The following NBEAL2 variants were observed in gnomAD, a reference collection of about 807,000 sequenced individuals.
NBEAL2 encodes the protein neurobeachin like 2, also known as neurobeachin-like protein 2.
NBEAL2 carries 160 observed loss-of-function variants against 299.8 expected under a neutral mutation model. The observed-to-expected ratio is 0.53, with a 90% confidence interval of 0.47 to 0.61. The LOEUF (loss-of-function observed/expected upper bound fraction) is 0.61, where lower values mean the gene tolerates loss of function less well. Among genes scored for constraint, NBEAL2 ranks in the 20% least tolerant of loss-of-function variants. The probability of loss-of-function intolerance (pLI) is 0.00; values close to 1 mark genes in which losing one functional copy is unlikely to be tolerated. For synonymous variants in NBEAL2, 1,493 were observed against 1,542.3 expected (o/e 0.97, Z 0.75); for missense variants, 3,112 against 3,649.0 (o/e 0.85, Z 3.79).
rs1306909916 is a variant in NBEAL2, at chr3:46,982,168, C to A, written c.51+2256C>A. ...CCAATCCAGGGAGGAGTAGGCTATGCAACTTTGAGTCCTGTTAGGGACCTA... is the reference window on the plus strand; with the variant it reads ...CCAATCCAGGGAGGAGTAGGCTATGAAACTTTGAGTCCTGTTAGGGACCTA... On this transcript the variant is annotated intron_variant, in intron 1 of 53. Transcript: ENST00000450053. This position sits in a 1 kb window ranked among gnomAD's most constrained non-coding sequence, Gnocchi z 4.2. 6.6e-6 allele frequency among the ~76,000 whole-genome samples: 1 copy of A among 152,114 alleles called. No homozygotes were observed. The highest frequency in any genetic ancestry group is 1.5e-5 in the Non-Finnish European group (1 of 68,030).
At position 46,995,758 on chromosome 3, in the gene NBEAL2, C is replaced by G. The variant is rs372051707; in HGVS notation, c.1943C>G (p.Ala648Gly). 1.2e-6 allele frequency: 2 copies of G among 1,613,700 alleles called. No homozygotes were observed. The highest frequency in any genetic ancestry group is 3.3e-5 in the Admixed American group (2 of 60,012). Residue 648 changes from alanine (A) to glycine (G), a missense_variant, in exon 14 of 54, where the codon GCG becomes GGG. Physicochemically the swap from Ala to Gly is moderately conservative, Grantham distance 60. Around this residue, in one of 3 missense-constraint regions of NBEAL2, gnomAD observed 2,243 missense variants for 2,538.1 expected, o/e 0.88. Coordinates refer to ENST00000450053, the MANE Select transcript of NBEAL2 (RefSeq NM_015175.3). ...TCAGGGTTTGAGGCCTTCTTCACGGCGGCCGGGACCCTGGTGGTGGCTGTG... is the reference window on the plus strand; with the variant it reads ...TCAGGGTTTGAGGCCTTCTTCACGGGGGCCGGGACCCTGGTGGTGGCTGTG... Reference protein sequence around the residue: ...SGSGFEAFFTAAGTLVVAVCT... With the variant: ...SGSGFEAFFTGAGTLVVAVCT...
At position 47,001,286 on chromosome 3, in the gene NBEAL2, G is replaced by T; in HGVS notation, c.4492G>T (p.Glu1498Ter). The stretch of plus-strand genomic sequence containing the variant: ...TCCCCACTCACCCGCCAGCCTCCTG[G>T]AGATGATGCTGGAGTCAGCCCTGAC... Reference protein sequence around the residue: ...PPDCIKRSLLEMMLESALTDI... With the variant: ...PPDCIKRSLL Residue 1498 changes from glutamate (E) to a stop codon, truncating the protein, a stop_gained, in exon 29 of 54, where the codon GAG becomes TAG. Coordinates refer to ENST00000450053, the MANE Select transcript of NBEAL2 (RefSeq NM_015175.3). LOFTEE classifies it high-confidence loss of function. The surrounding 1 kb of genome is among the most constrained non-coding windows in gnomAD (Gnocchi z 6.1). The T allele has an allele frequency of 6.2e-7, 1 of 1,605,258 alleles. No individual in the cohort carries two copies. Among genetic ancestry groups the T allele is most frequent in the Non-Finnish European group, 8.5e-7 (1 of 1,173,012 alleles).
Position 47,004,095 on chromosome 3 carries a change from G to A in NBEAL2, c.5900G>A (p.Arg1967Gln), listed in dbSNP as rs374748722. ...CCCATAGGCATCGGCTATGATTTCCGGCGCCCACTGGCCCAGCTGCGTGAG... is the reference window on the plus strand; with the variant it reads ...CCCATAGGCATCGGCTATGATTTCCAGCGCCCACTGGCCCAGCTGCGTGAG... ...ETEEGIGYDF[R>Q]RPLAQLREVH... The change falls in exon 37 of 54, where the codon CGG becomes CAG. Residue 1967 changes from arginine to glutamine, a missense_variant. This residue lies in a region of NBEAL2 where 521 missense variants were observed against 729.6 expected (regional missense o/e 0.71). Coordinates refer to ENST00000450053, the MANE Select transcript of NBEAL2 (RefSeq NM_015175.3). The surrounding 1 kb of genome is among the most constrained non-coding windows in gnomAD (Gnocchi z 5.0). The A allele has an allele frequency of 3.1e-5, 50 of 1,612,346 alleles. No individual in the cohort carries two copies. Among genetic ancestry groups the A allele is most frequent in the Middle Eastern group, 1.6e-4 (1 of 6,076 alleles).
rs1190790231 is a variant in NBEAL2, at chr3:46,988,632, C to T, written c.52-37C>T. On this transcript the variant is annotated intron_variant, in intron 1 of 53. Coordinates refer to ENST00000450053, the MANE Select transcript of NBEAL2 (RefSeq NM_015175.3). The surrounding 1 kb of genome is among the most constrained non-coding windows in gnomAD (Gnocchi z 4.4). The stretch of plus-strand genomic sequence containing the variant: ...TCCCTGCCCTGTTTACTGCATCCCT[C>T]CTGCCCCCCACCACTGTTCCCCTGT... 6.3e-7 allele frequency: 1 copy of T among 1,575,766 alleles called. No individual in the cohort carries two copies. Among genetic ancestry groups the T allele is most frequent in the Non-Finnish European group, 8.7e-7 (1 of 1,145,504 alleles).
chr3:46,983,106 A>G (rs2035457381), intron 1 of NBEAL2, among the ~76,000 whole-genome samples: 1 of 152,132 alleles, frequency 6.6e-6, no homozygotes, highest in African/African-American at 2.4e-5. Flanking sequence ...ACAAACCCTC[A>G]GGTGACAGGA....
At chr3:46,981,580 C>T (rs1176809343) in intron 1 of NBEAL2, among the ~76,000 whole-genome samples, 2 of 152,228 alleles carry the variant, frequency 1.3e-5, no homozygotes, top group African/African-American at 4.8e-5. Flanking sequence ...CCCCTCGCCC[C>T]AGCTTCTCTG....
chr3:46,990,134 A>T (rs1422578508), intron 6 of NBEAL2, among the ~76,000 whole-genome samples: 1 of 151,938 alleles, frequency 6.6e-6, no homozygotes, highest in Admixed American at 6.6e-5. Context: ...TCAGGGTGGG[A>T]TATGGCCTGG....
intron 11 of NBEAL2, 118 bp downstream of exon 11, chr3:46,994,138 G>A (rs1281028619): frequency 1.1e-5 from 11 of 1,011,598 alleles, no homozygotes; most frequent in South Asian, 6.0e-5. Context: ...CAAAGCAGGC[G>A]AGCTGGGAGG....
chr3:46,995,618 G>A lies in NBEAL2; in HGVS notation c.1883G>A (p.Arg628Gln), dbSNP rs2036436248. The change falls in exon 13 of 54, where the codon CGA becomes CAA. Residue 628 changes from arginine (R) to glutamine (Q), a missense_variant. Coordinates refer to ENST00000450053, the MANE Select transcript of NBEAL2 (RefSeq NM_015175.3). ...PTPAPTRPLQRKQLYSFFTSS... is the reference protein window; with the variant it reads ...PTPAPTRPLQQKQLYSFFTSS... ...CCTGCCCCCACCCGACCACTCCAGC[G>A]AAAGCAGCTGTACAGGTGGGTGACT... The A allele has an allele frequency of 4.3e-6, 7 of 1,611,314 alleles. No homozygotes were observed. Among genetic ancestry groups the A allele is most frequent in the East Asian group, 2.2e-5 (1 of 44,846 alleles).
chr3:47,006,199 G>A lies in NBEAL2; in HGVS notation c.6954G>A (p.Arg2318=). 1 of 1,613,942 alleles carries A rather than the reference G, an allele frequency of 6.2e-7. No individual in the cohort carries two copies. The highest frequency in any genetic ancestry group is 8.5e-7 in the Non-Finnish European group (1 of 1,179,886). The change falls in exon 44 of 54, where the codon CGG becomes CGA. Residue 2318 remains arginine, a synonymous_variant. Coordinates refer to ENST00000450053, the MANE Select transcript of NBEAL2 (RefSeq NM_015175.3). ...AVDLDHVTDE[R]ERKALEGIIS... ...ACCTGGACCATGTGACAGATGAGCG[G>A]GAACGGAAGGCTCTGGAGGGCATTA...
chr3:47,008,233 C>T (rs766588289), intron 50 of NBEAL2, 47 bp downstream of exon 50: 1 of 1,612,636 alleles, frequency 6.2e-7, no homozygotes. Context: ...CCTGGGCAAT[C>T]CCCCTGGAGC....
chr3:46,983,793 G>T (rs2035510265), intron 1 of NBEAL2, among the ~76,000 whole-genome samples: 1 of 152,090 alleles, frequency 6.6e-6, no homozygotes, highest in African/African-American at 2.4e-5. Flanking sequence ...GATTCCTGGA[G>T]TTGTTATGAC....
At chr3:47,005,891 G>T in intron 42 of NBEAL2, 44 bp downstream of exon 42, 1 of 1,612,814 alleles carries the variant, frequency 6.2e-7, no homozygotes, top group Middle Eastern at 1.6e-4. Context: ...CCGGGGTTCT[G>T]AAGATCATGG....
Position 46,999,874 on chromosome 3 carries a change from T to C in NBEAL2, c.3790-15T>C. On this transcript the variant is annotated splice_polypyrimidine_tract_variant and intron_variant, in intron 26 of 53. Coordinates refer to ENST00000450053, the MANE Select transcript of NBEAL2 (RefSeq NM_015175.3). The stretch of plus-strand genomic sequence containing the variant: ...CAGTTGGATGCGTCCTCACTTGCTG[T>C]GCTCTCGCCTGCAGCTTTTCCACCT... 1 of 1,601,038 alleles carries C rather than the reference T, an allele frequency of 6.2e-7. No homozygotes were observed.
At position 46,997,007 on chromosome 3, in the gene NBEAL2, G is replaced by A. The variant is rs560751236; in HGVS notation, c.2610G>A (p.Gly870=). The A allele has an allele frequency of 3.7e-6, 6 of 1,613,444 alleles. No homozygotes were observed. The East Asian group carries it at 6.7e-5, about 18-fold the overall frequency. Residue 870 remains glycine (G), a synonymous_variant, in exon 18 of 54, where the codon GGG becomes GGA. Coordinates refer to ENST00000450053, the MANE Select transcript of NBEAL2 (RefSeq NM_015175.3). ...LDLSPSHGLD[G]RLTGHRVETW... is the part of the protein sequence containing the mutation. ...TGTCCCCCAGTCATGGGCTTGATGG[G>A]CGCCTGACGGGCCACAGAGTGGAGA...
Position 47,002,243 on chromosome 3 carries a change from G to A in NBEAL2, c.5106G>A (p.Gln1702=), listed in dbSNP as rs1171289302. 3.2e-6 allele frequency: 5 copies of A among 1,552,898 alleles called. No homozygotes were observed. The highest frequency in any genetic ancestry group is 1.4e-5 in the African/African-American group (1 of 73,168). Residue 1702 remains glutamine (Q), a synonymous_variant, in exon 31 of 54, where the codon CAG becomes CAA. Transcript: ENST00000450053. Reference sequence around the variant, plus strand: ...GCCCCACCTTCTTTGAAGACTTCCAGGCTTTTTGTGCCACACCCGAATGGC... The same window carrying A: ...GCCCCACCTTCTTTGAAGACTTCCAAGCTTTTTGTGCCACACCCGAATGGC... The part of the protein sequence containing the change: ...NGSPTFFEDF[Q]AFCATPEWRH...
chr3:47,000,459 G>A lies in NBEAL2; in HGVS notation c.4305+55G>A. 1 of 1,531,762 alleles carries A rather than the reference G, an allele frequency of 6.5e-7. No individual in the cohort carries two copies. The highest frequency in any genetic ancestry group is 2.0e-5 in the Admixed American group (1 of 49,600). The allele number at this position is 1,531,762 out of a possible 1,614,324, so 94.9% of individuals were successfully genotyped here. ...TGGTACCCAAGGGAGGACACTTCTG[G>A]TACACAGGGCTGGCAGTGTAGCCTC... On this transcript the variant is annotated intron_variant, in intron 27 of 53. Coordinates refer to ENST00000450053, the MANE Select transcript of NBEAL2 (RefSeq NM_015175.3). This position sits in a 1 kb window ranked among gnomAD's most constrained non-coding sequence, Gnocchi z 4.5.
Position 46,991,222 on chromosome 3 carries a change from G to T in NBEAL2, c.560G>T (p.Ser187Ile). The stretch of plus-strand genomic sequence containing the variant: ...CTGCCCACACCCCCCTACCCAGAGA[G>T]CCTACAGAATGCAGACCACTTGCCT... ...PQEFSAFFQE[S>I]LQNADHLPPI... Residue 187 changes from serine (S) to isoleucine (I), a missense_variant, in exon 7 of 54, where the codon AGC becomes ATC. Ser to Ile is a moderately radical substitution (Grantham distance 142). This residue lies in a region of NBEAL2 where 2,243 missense variants were observed against 2,538.1 expected (regional missense o/e 0.88). Transcript: ENST00000450053. The surrounding 1 kb of genome is among the most constrained non-coding windows in gnomAD (Gnocchi z 6.2). 6.2e-7 allele frequency: 1 copy of T among 1,605,524 alleles called. No homozygotes were observed. Among genetic ancestry groups the T allele is most frequent in the Non-Finnish European group, 8.5e-7 (1 of 1,175,742 alleles).
Position 46,999,040 on chromosome 3 carries a change from C to T in NBEAL2, c.3466C>T (p.Pro1156Ser). Residue 1156 changes from proline to serine, a missense_variant, in exon 24 of 54, where the codon CCA becomes TCA. Physicochemically the swap from Pro to Ser is moderately conservative, Grantham distance 74. Coordinates refer to ENST00000450053, the MANE Select transcript of NBEAL2 (RefSeq NM_015175.3). ...GTCCTTGGCTGTCTTTCTGTTGGAG[C>T]CAGGGAACCTCGAAGTGCTACTGGC... is the stretch of plus-strand genomic sequence containing the variant. ...QESLAVFLLE[P>S]GNLEVLLALL... 6.2e-7 allele frequency: 1 copy of T among 1,600,256 alleles called. No homozygotes were observed. The highest frequency in any genetic ancestry group is 8.5e-7 in the Non-Finnish European group (1 of 1,173,818).
Sources: gnomAD v4.1 joint callset for allele counts (sites outside exome capture counted in the v4.1 genomes callset) on GRCh38, gnomAD v4.1.1 for gene constraint, gnomAD v4.1.1 regional missense constraint, Gnocchi (gnomAD v3.1) non-coding constraint, MANE v1.5 for transcripts, NCBI Gene and HGNC (gene_info 2026-07-23, HGNC 2026-07-21) for gene names.